Variants in RABGEF1 observed in about 807,000 individuals in gnomAD.
RABGEF1 encodes the protein RAB guanine nucleotide exchange factor 1, also known as rab5 GDP/GTP exchange factor.
In RABGEF1, 26 loss-of-function variants were observed where a neutral mutation model predicts 57.3. The observed-to-expected ratio is 0.45, with a 90% CI of 0.33 to 0.63. The LOEUF is 0.63. Ranked by LOEUF, RABGEF1 falls within the 20% of genes least tolerant of loss-of-function variation. RABGEF1 has a pLI of 0.02. For missense variants in RABGEF1, 464 were observed against 607.6 expected (o/e 0.76, Z 2.48); for synonymous variants, 185 against 210.7 (o/e 0.88, Z 1.06).
At chr7:66,780,086 G>T (rs1809529707) in intron 3 of RABGEF1, among the ~76,000 whole-genome samples, 1 of 152,220 alleles carries the variant, frequency 6.6e-6, no homozygotes, top group Non-Finnish European at 1.5e-5. Context: ...GGAAAAGTAT[G>T]TGTGGGAGGG....
upstream of RABGEF1, among the ~76,000 whole-genome samples, chr7:66,739,184 AG>A (rs1458990403): frequency 1.3e-5 from 2 of 151,810 alleles, no homozygotes; most frequent in Non-Finnish European, 2.9e-5. Context: ...TCCCGACCTC[AG>A]GTGATCTGCC....
intron 2 of RABGEF1, among the ~76,000 whole-genome samples, chr7:66,727,324 T>C (rs1177799964): frequency 2.0e-5 from 3 of 151,978 alleles, no homozygotes; most frequent in Non-Finnish European, 2.9e-5. Flanking sequence ...GGGGATTGAA[T>C]TGGGGGTTCT....
At chr7:66,702,924 G>A (rs1793505538) in intron 1 of RABGEF1, among the ~76,000 whole-genome samples, 1 of 151,918 alleles carries the variant, frequency 6.6e-6, no homozygotes, top group African/African-American at 2.4e-5. Context: ...CATTCTGTAG[G>A]GTTTATTTTC....
chr7:66,704,060 T>TTC, intron 1 of RABGEF1, among the ~76,000 whole-genome samples: 1 of 152,252 alleles, frequency 6.6e-6, no homozygotes, highest in East Asian at 1.9e-4. Context: ...CTATTGCACA[T>TTC]AGAATGGCTT....
At chr7:66,728,992 C>T (rs1796976768) in intron 2 of RABGEF1, among the ~76,000 whole-genome samples, 1 of 150,772 alleles carries the variant, frequency 6.6e-6, no homozygotes, top group African/African-American at 2.4e-5. Flanking sequence ...GCTCTGTCAC[C>T]CAGGCTGGAG....
the RABGEF1 span, among the ~76,000 whole-genome samples, chr7:66,672,665 C>T: frequency 5.9e-5 from 9 of 151,978 alleles, no homozygotes; most frequent in Non-Finnish European, 1.3e-4. Context: ...TTCAGTCTGA[C>T]ATTGGAGATG....
chr7:66,768,121 A>C (rs1414334271), intron 1 of RABGEF1, among the ~76,000 whole-genome samples: 1 of 152,230 alleles, frequency 6.6e-6, no homozygotes, highest in Non-Finnish European at 1.5e-5. Context: ...CTCTAGAGGA[A>C]ATACCCAGGA....
chr7:66,690,220 C>T (rs1304300163), intron 1 of RABGEF1, among the ~76,000 whole-genome samples: 1 of 150,978 alleles, frequency 6.6e-6, no homozygotes, highest in Non-Finnish European at 1.5e-5. Flanking sequence ...TCTGCCTCAG[C>T]CTCCCAAGTA....
upstream of RABGEF1, among the ~76,000 whole-genome samples, chr7:66,735,845 A>C (rs1247148882): frequency 6.6e-6 from 1 of 152,212 alleles, no homozygotes; most frequent in Admixed American, 6.5e-5. Context: ...TAAATCACCC[A>C]GTCTCAGGCA....
chr7:66,768,691 GC>G (rs1806348558), intron 1 of RABGEF1: 1 of 151,964 alleles, frequency 6.6e-6, no homozygotes, highest in African/African-American at 2.4e-5. Context: ...CAATTTGGAA[GC>G]CTTTGGTACG....
chr7:66,723,604 G>A (rs983011108), intron 2 of RABGEF1, among the ~76,000 whole-genome samples: 2 of 151,642 alleles, frequency 1.3e-5, no homozygotes, highest in African/African-American at 2.4e-5. Context: ...TTTTGAGACG[G>A]AGTCTCACTC....
At position 66,783,708 on chromosome 7, in the gene RABGEF1, T is replaced by G. The variant is rs1358943137; in HGVS notation, c.380T>G (p.Ile127Arg). The change falls in exon 4 of 9, where the codon ATA becomes AGA. Residue 127 changes from isoleucine (I) to arginine (R), a missense_variant. Physicochemically the swap from Ile to Arg is moderately conservative, Grantham distance 97. Transcript: ENST00000284957. ...IQEAKAPSPS[I>R]NRQTSIETDR... ...GAAGCAAAAGCTCCCAGTCCTTCCA[T>G]AAACCGGCAAACCAGCATTGAAACG... is the stretch of plus-strand genomic sequence containing the variant. The G allele has an allele frequency of 6.2e-7, 1 of 1,611,398 alleles. No homozygotes were observed. Among genetic ancestry groups the G allele is most frequent in the South Asian group, 1.1e-5 (1 of 90,474 alleles).
chr7:66,733,811 C>T (rs2707845), intron 2 of RABGEF1, among the ~76,000 whole-genome samples: 76,305 of 151,930 alleles, frequency 0.5, 20,093 homozygotes, highest in East Asian at 0.74. Flanking sequence ...GAGACCAGCC[C>T]AGTGAACATA....
At chr7:66,695,838 C>T (rs866552935) in intron 1 of RABGEF1, among the ~76,000 whole-genome samples, 1 of 151,864 alleles carries the variant, frequency 6.6e-6, no homozygotes, top group African/African-American at 2.4e-5. Context: ...TGGTAGCGAA[C>T]GCCTGTAATT....
the RABGEF1 span, chr7:66,654,594 G>A: frequency 6.6e-6 from 1 of 152,568 alleles, no homozygotes; most frequent in Non-Finnish European, 1.5e-5. Context: ...GCGGGCGAGC[G>A]GCTGTGTGGA....
At chr7:66,689,229 TAAAG>T (rs1440387124) in intron 1 of RABGEF1, among the ~76,000 whole-genome samples, 1 of 150,060 alleles carries the variant, frequency 6.7e-6, no homozygotes, top group Non-Finnish European at 1.5e-5. Flanking sequence ...TGAAAATAAA[TAAAG>T]AATAGGAAAA....
At chr7:66,742,398 A>G (rs1025306632) in intron 1 of RABGEF1, among the ~76,000 whole-genome samples, 10 of 152,154 alleles carry the variant, frequency 6.6e-5, no homozygotes, top group Admixed American at 4.6e-4. Flanking sequence ...GATACTTTCA[A>G]AACAGTGTGG....
upstream of RABGEF1, among the ~76,000 whole-genome samples, chr7:66,679,084 G>A (rs1481321898): frequency 6.6e-6 from 1 of 152,186 alleles, no homozygotes; most frequent in Non-Finnish European, 1.5e-5. Flanking sequence ...ATTGACGTTG[G>A]TTTGGCTTTT....
At position 66,799,540 on chromosome 7, in the gene RABGEF1, G is replaced by A. The variant is rs1786805462; in HGVS notation, c.820+126G>A. The A allele has an allele frequency of 8.3e-6, 6 of 724,476 alleles. No homozygotes were observed. In the East Asian group the frequency reaches 1.8e-4, roughly 21 times the overall value. The allele number at this position is 724,476 out of a possible 1,614,324, so 44.9% of individuals were successfully genotyped here. A position where few individuals can be genotyped will look rare whatever the true frequency, so the allele number is the denominator to read the frequency against. ...AGGTACATTGGAATGTAGTAAAAGT[G>A]ATTTGTAAGATTGTTTTATGAATTT... On this transcript the variant is annotated intron_variant, in intron 7 of 8. Coordinates refer to ENST00000284957, the MANE Select transcript of RABGEF1 (RefSeq NM_014504.3).
Sources: allele counts gnomAD v4.1 joint callset (sites outside exome capture counted in the v4.1 genomes callset), GRCh38; gene constraint gnomAD v4.1.1; transcripts MANE v1.5; gene names NCBI Gene and HGNC (gene_info 2026-07-23, HGNC 2026-07-21).